PPP2R2C: variants seen among roughly 807,000 people sequenced by gnomAD.
PPP2R2C encodes protein phosphatase 2, regulatory subunit B, gamma.
A neutral mutation model predicts 45.3 loss-of-function variants in PPP2R2C; 10 were observed. That is an observed-to-expected ratio of 0.22 (90% CI 0.14 to 0.37). The LOEUF (loss-of-function observed/expected upper bound fraction) is 0.37. PPP2R2C is among the 10% of genes least tolerant of loss of function. The pLI is 1.00. For missense variants in PPP2R2C, 308 were observed against 619.7 expected (o/e 0.50, Z 5.34); for synonymous variants, 257 against 245.4 (o/e 1.05, Z -0.44).
intron 1 of PPP2R2C, among the ~76,000 whole-genome samples, chr4:6,462,770 G>A (rs1721395611): frequency 6.6e-6 from 1 of 152,238 alleles, no homozygotes; most frequent in African/African-American, 2.4e-5. Context: ...GATGCCTGCA[G>A]ATGGAACGGG....
In PPP2R2C at chr4:6,324,346, T is replaced by G. The variant is rs1182252952; in HGVS notation, c.1053-753A>C. Among the ~76,000 whole-genome samples the G allele has an allele frequency of 6.6e-6, 1 of 152,006 alleles. No individual in the cohort carries two copies. Among genetic ancestry groups the G allele is most frequent in the African/African-American group, 2.4e-5 (1 of 41,394 alleles). ...ACTCAGGAGGCTGAGGCAGGAGAGT[T>G]GCTTGAATCCAGGAGGCAAGGTTGT... On this transcript the variant is annotated intron_variant, in intron 8 of 8. Coordinates refer to ENST00000382599, the MANE Select transcript of PPP2R2C (RefSeq NM_020416.4). The surrounding 1 kb of genome is among the most constrained non-coding windows in gnomAD (Gnocchi z 4.1).
chr4:6,375,993 T>C (rs1715270740), intron 3 of PPP2R2C, 62 bp from the exon 4 acceptor site: 1 of 1,383,820 alleles, frequency 7.2e-7, no homozygotes, highest in East Asian at 2.3e-5. Context: ...GAAGAGAAGA[T>C]CCACTTTAGA....
intron 2 of PPP2R2C, among the ~76,000 whole-genome samples, chr4:6,479,138 C>T (rs1365363634): frequency 6.6e-6 from 1 of 152,228 alleles, no homozygotes; most frequent in African/African-American, 2.4e-5. Context: ...TCCCAAGTTA[C>T]TCAGCTCCTA....
rs201125951 is a variant in PPP2R2C, at chr4:6,329,384, G to A, written c.961-31C>T. ...GGGATAAGGGATGAGGTGAGTGGAC[G>A]GGGCGTCCCGACCATCCTGGCCCTT... On this transcript the variant is annotated intron_variant, in intron 7 of 8. Coordinates refer to ENST00000382599, the MANE Select transcript of PPP2R2C (RefSeq NM_020416.4). This position sits in a 1 kb window ranked among gnomAD's most constrained non-coding sequence, Gnocchi z 5.8. The A allele has an allele frequency of 1.8e-5, 28 of 1,582,188 alleles. No homozygotes were observed. Among genetic ancestry groups the A allele is most frequent in the African/African-American group, 8.1e-5 (6 of 74,366 alleles).
At chr4:6,461,759 G>A (rs952855800) in intron 1 of PPP2R2C, among the ~76,000 whole-genome samples, 3 of 152,222 alleles carry the variant, frequency 2.0e-5, no homozygotes, top group African/African-American at 7.2e-5. Flanking sequence ...GACTTCCCAA[G>A]AGAACATCCC....
intron 1 of PPP2R2C, among the ~76,000 whole-genome samples, chr4:6,553,451 A>C (rs1725251287): frequency 6.6e-6 from 1 of 152,214 alleles, no homozygotes; most frequent in African/African-American, 2.4e-5. Context: ...CAACACAGTA[A>C]GGCACGGGGT....
intron 1 of PPP2R2C, among the ~76,000 whole-genome samples, chr4:6,442,454 C>T (rs1720204260): frequency 6.6e-6 from 1 of 152,218 alleles, no homozygotes; most frequent in Non-Finnish European, 1.5e-5. Flanking sequence ...GCCACCAAGC[C>T]GTGACTGTGG....
At chr4:6,465,102 T>C (rs991997800) in intron 1 of PPP2R2C, among the ~76,000 whole-genome samples, 2 of 152,032 alleles carry the variant, frequency 1.3e-5, no homozygotes, top group African/African-American at 4.8e-5. Context: ...TCTTCCTTGC[T>C]GGGACTTGGG....
intron 2 of PPP2R2C, among the ~76,000 whole-genome samples, chr4:6,529,557 C>G (rs1287294590): frequency 3.9e-5 from 6 of 152,230 alleles, no homozygotes; most frequent in African/African-American, 1.4e-4. Context: ...CCTGTGCCCC[C>G]ATGGAAGTGC....
intron 1 of PPP2R2C, among the ~76,000 whole-genome samples, chr4:6,393,189 C>T (rs1391180710): frequency 2.0e-5 from 3 of 152,150 alleles, no homozygotes; most frequent in Non-Finnish European, 2.9e-5. Flanking sequence ...AAACTCAGAA[C>T]ATTCCCACCA....
chr4:6,398,812 G>A (rs1457603635), intron 1 of PPP2R2C, among the ~76,000 whole-genome samples: 2 of 152,210 alleles, frequency 1.3e-5, no homozygotes, highest in African/African-American at 4.8e-5. Flanking sequence ...GCAGCTTTCT[G>A]CACAGTAGCT....
chr4:6,524,058 T>C (rs1724113559), intron 2 of PPP2R2C, among the ~76,000 whole-genome samples: 1 of 151,852 alleles, frequency 6.6e-6, no homozygotes. Context: ...GGATTACAGG[T>C]GCCTGCCACC....
chr4:6,329,383 C>G lies in PPP2R2C; in HGVS notation c.961-30G>C, dbSNP rs780587595. On this transcript the variant is annotated intron_variant, in intron 7 of 8. Coordinates refer to ENST00000382599, the MANE Select transcript of PPP2R2C (RefSeq NM_020416.4). This position sits in a 1 kb window ranked among gnomAD's most constrained non-coding sequence, Gnocchi z 5.8. ...TGGGATAAGGGATGAGGTGAGTGGA[C>G]GGGGCGTCCCGACCATCCTGGCCCT... 6.3e-7 allele frequency: 1 copy of G among 1,583,916 alleles called. No individual in the cohort carries two copies. Among genetic ancestry groups the G allele is most frequent in the Non-Finnish European group, 8.7e-7 (1 of 1,153,116 alleles).
chr4:6,560,973 C>T, intron 1 of PPP2R2C, among the ~76,000 whole-genome samples: 1 of 152,216 alleles, frequency 6.6e-6, no homozygotes, highest in East Asian at 1.9e-4. Context: ...CACTGCTGCC[C>T]TCCTCCCCTG....
intron 8 of PPP2R2C, among the ~76,000 whole-genome samples, chr4:6,325,158 G>A (rs1328938029): frequency 1.3e-5 from 2 of 152,180 alleles, no homozygotes; most frequent in African/African-American, 4.8e-5. Context: ...GCCCTACCCT[G>A]ACATGCGCAC....
At chr4:6,446,181 G>A (rs1162866853) in intron 1 of PPP2R2C, among the ~76,000 whole-genome samples, 3 of 152,140 alleles carry the variant, frequency 2.0e-5, no homozygotes, top group Non-Finnish European at 2.9e-5. Context: ...CACATGAACC[G>A]CCTAGAACCA....
chr4:6,543,578 G>A lies in PPP2R2C; in HGVS notation c.-58-8201C>T, dbSNP rs114811884. The stretch of plus-strand genomic sequence containing the variant: ...TCTACTAAAAATACAAAAATTAGCT[G>A]GCCTCTCCCCTGATGTCAGCTGCTA... On this transcript the variant is annotated intron_variant, in intron 1 of 9. Transcript: ENST00000506140. Among the ~76,000 whole-genome samples, 721 of 152,208 alleles carry A rather than the reference G, an allele frequency of 4.7e-3. 1 individual carries two copies. The highest frequency in any genetic ancestry group is 0.017 in the Middle Eastern group (5 of 294).
chr4:6,518,093 A>C (rs1324723447), intron 2 of PPP2R2C, among the ~76,000 whole-genome samples: 1 of 152,266 alleles, frequency 6.6e-6, no homozygotes. Context: ...ATTCAAAAGT[A>C]TTTTGAACTA....
At chr4:6,506,907 A>G (rs1723255006) in intron 2 of PPP2R2C, among the ~76,000 whole-genome samples, 2 of 152,256 alleles carry the variant, frequency 1.3e-5, no homozygotes, top group African/African-American at 4.8e-5. Flanking sequence ...TGCCATTCTC[A>G]CACCATGACT....
Sources: gnomAD v4.1 joint callset for allele counts (sites outside exome capture counted in the v4.1 genomes callset) on GRCh38, gnomAD v4.1.1 for gene constraint, Gnocchi (gnomAD v3.1) non-coding constraint, MANE v1.5 for transcripts, NCBI Gene and HGNC (gene_info 2026-07-23, HGNC 2026-07-21) for gene names.